The following DIP2C variants were observed in gnomAD, a reference collection of about 807,000 sequenced individuals.
The protein encoded by DIP2C is disco-interacting protein 2 homolog C.
Under a neutral mutation model 192.4 loss-of-function variants are expected in DIP2C, and 33 were observed. The observed-to-expected ratio is 0.17, with a 90% CI of 0.13 to 0.23. DIP2C has a LOEUF of 0.23. Ranked by LOEUF, DIP2C falls within the 10% of genes least tolerant of loss-of-function variation. The pLI is 1.00. For missense variants in DIP2C, 1,537 were observed against 2,110.1 expected (o/e 0.73, Z 5.32); for synonymous variants, 979 against 864.1 (o/e 1.13, Z -2.33).
intron 29 of DIP2C, among the ~76,000 whole-genome samples, chr10:337,050 G>GTGTGTA (rs1957831278): frequency 1.5e-4 from 1 of 6,500 alleles, no homozygotes; most frequent in Non-Finnish European, 3.7e-4. Context: ...GCCTAGACTG[G>GTGTGTA]TGTGTGTGTG....
intron 1 of DIP2C, among the ~76,000 whole-genome samples, chr10:597,957 C>T (rs977299985): frequency 2.0e-4 from 30 of 152,328 alleles, no homozygotes; most frequent in African/African-American, 6.5e-4. Flanking sequence ...ACTCTTCCCT[C>T]TACCCCACGG....
intron 2 of DIP2C, among the ~76,000 whole-genome samples, chr10:474,066 G>A (rs1015916469): frequency 3.3e-5 from 5 of 152,106 alleles, no homozygotes; most frequent in African/African-American, 1.2e-4. Flanking sequence ...ACCTCTTCCA[G>A]TCATCATCTA....
intron 3 of DIP2C, among the ~76,000 whole-genome samples, chr10:447,139 A>G (rs1589815971): frequency 6.6e-6 from 1 of 152,136 alleles, no homozygotes; most frequent in Non-Finnish European, 1.5e-5. Context: ...AGGGCTTGTC[A>G]CACACAGTGG....
chr10:509,648 G>A (rs572713971), intron 1 of DIP2C, among the ~76,000 whole-genome samples: 18 of 152,292 alleles, frequency 1.2e-4, no homozygotes, highest in South Asian at 8.3e-4. Context: ...GAGGGTGCTC[G>A]TCCAGACGAG....
At chr10:471,904 C>G (rs1013907064) in intron 3 of DIP2C, among the ~76,000 whole-genome samples, 1 of 152,116 alleles carries the variant, frequency 6.6e-6, no homozygotes, top group Non-Finnish European at 1.5e-5. Context: ...AGGTGCCCAC[C>G]ACCACGCCCG....
At chr10:389,967 A>G (rs781400789) in intron 13 of DIP2C, 24 bp downstream of exon 13, 4 of 1,592,178 alleles carry the variant, frequency 2.5e-6, no homozygotes, top group Non-Finnish European at 3.4e-6. Context: ...CAGGGTCCCA[A>G]GGAGTCAGGG....
intron 1 of DIP2C, among the ~76,000 whole-genome samples, chr10:520,477 C>G (rs1338060953): frequency 2.0e-5 from 3 of 152,266 alleles, no homozygotes; most frequent in African/African-American, 7.2e-5. Flanking sequence ...CTGGGAGTAA[C>G]AACTTTTACA....
At chr10:657,756 A>C (rs1159859422) in intron 1 of DIP2C, among the ~76,000 whole-genome samples, 230 of 89,510 alleles carry the variant, frequency 2.6e-3, no homozygotes, top group African/African-American at 3.2e-3. Context: ...TGGACCTGCC[A>C]CTGGACCTGA....
chr10:527,394 G>C (rs966244672), intron 1 of DIP2C, among the ~76,000 whole-genome samples: 1 of 152,144 alleles, frequency 6.6e-6, no homozygotes, highest in Admixed American at 6.5e-5. Flanking sequence ...GACTTCAGCC[G>C]CTGCTTTTGT....
chr10:560,998 G>C (rs1006256435), intron 1 of DIP2C, among the ~76,000 whole-genome samples: 2 of 152,154 alleles, frequency 1.3e-5, no homozygotes, highest in Admixed American at 1.3e-4. Context: ...CTGTCAATCA[G>C]GAAATTTTTG....
At chr10:576,072 G>C (rs974321167) in intron 1 of DIP2C, among the ~76,000 whole-genome samples, 1 of 152,196 alleles carries the variant, frequency 6.6e-6, no homozygotes, top group Non-Finnish European at 1.5e-5. Context: ...TTGTCCGGGA[G>C]AAGCAAATGC....
At chr10:569,027 C>T (rs1001105279) in intron 1 of DIP2C, among the ~76,000 whole-genome samples, 3 of 152,148 alleles carry the variant, frequency 2.0e-5, no homozygotes, top group African/African-American at 7.2e-5. Context: ...CCTGGCTGAA[C>T]CAATGAAGTG....
At chr10:420,181 G>A (rs1446010955) in intron 5 of DIP2C, among the ~76,000 whole-genome samples, 4 of 152,328 alleles carry the variant, frequency 2.6e-5, no homozygotes, top group Non-Finnish European at 2.9e-5. Context: ...TGTCCGCACC[G>A]TGCCCGGAGG....
At chr10:577,797 T>C (rs1386045389) in intron 1 of DIP2C, among the ~76,000 whole-genome samples, 1 of 151,546 alleles carries the variant, frequency 6.6e-6, no homozygotes, top group Non-Finnish European at 1.5e-5. Context: ...CAGAGATGTT[T>C]TGTTTTGTTT....
intron 1 of DIP2C, among the ~76,000 whole-genome samples, chr10:528,301 G>A (rs1847173324): frequency 6.6e-6 from 1 of 151,752 alleles, no homozygotes; most frequent in Non-Finnish European, 1.5e-5. Context: ...ACTGCCTGCT[G>A]CCCACCCAGA....
intron 1 of DIP2C, among the ~76,000 whole-genome samples, chr10:582,153 C>T (rs190880639): frequency 6.6e-6 from 1 of 152,192 alleles, no homozygotes; most frequent in Non-Finnish European, 1.5e-5. Flanking sequence ...CCACCCACCC[C>T]CTGCTACAAA....
At chr10:369,933 C>G in intron 17 of DIP2C, 1 of 979,630 alleles carries the variant, frequency 1.0e-6, no homozygotes, top group Non-Finnish European at 1.2e-6. Context: ...CCAGCTCTCT[C>G]TCCCCTCCCT....
intron 4 of DIP2C, among the ~76,000 whole-genome samples, chr10:436,165 C>T (rs1211575725): frequency 5.3e-5 from 8 of 152,234 alleles, no homozygotes; most frequent in African/African-American, 1.9e-4. Flanking sequence ...TGACAGAGAT[C>T]ATCTTGCATG....
intron 2 of DIP2C, among the ~76,000 whole-genome samples, chr10:476,983 C>G (rs1843080404): frequency 6.8e-6 from 1 of 147,348 alleles, no homozygotes; most frequent in Admixed American, 6.9e-5. Context: ...TCTGAACCCT[C>G]AGGGCTCCCA....
Sources: allele counts gnomAD v4.1 joint callset (sites outside exome capture counted in the v4.1 genomes callset), GRCh38; gene constraint gnomAD v4.1.1; transcripts MANE v1.5; gene names NCBI Gene and HGNC (gene_info 2026-07-23, HGNC 2026-07-21).